Variants in THSD7A observed in about 807,000 individuals in gnomAD.
THSD7A encodes thrombospondin type-1 domain-containing protein 7A.
Under a neutral mutation model 231.3 loss-of-function variants are expected in THSD7A, and 96 were observed. That is an observed-to-expected ratio of 0.41 (90% CI 0.35 to 0.49). The LOEUF is 0.49. THSD7A is among the 20% of genes least tolerant of loss of function. THSD7A has a pLI of 0.05. For synonymous variants in THSD7A, 940 were observed against 743.3 expected (o/e 1.26, Z -4.30); for missense variants, 2,290 against 2,070.2 (o/e 1.11, Z -2.06).
At chr7:11,408,046 G>C (rs930639817) in intron 19 of THSD7A, among the ~76,000 whole-genome samples, 1 of 152,104 alleles carries the variant, frequency 6.6e-6, no homozygotes, top group Non-Finnish European at 1.5e-5. Context: ...GTATAATTCA[G>C]TTATGTTGGT....
chr7:11,499,781 A>C (rs896527977), intron 6 of THSD7A, among the ~76,000 whole-genome samples: 3 of 152,238 alleles, frequency 2.0e-5, no homozygotes, highest in African/African-American at 7.2e-5. Flanking sequence ...CAACTATTAA[A>C]AAGGGATAAT....
At chr7:11,496,760 A>C (rs1453031390) in intron 6 of THSD7A, among the ~76,000 whole-genome samples, 1 of 152,202 alleles carries the variant, frequency 6.6e-6, no homozygotes, top group Non-Finnish European at 1.5e-5. Context: ...GGCAAATTTC[A>C]CTCAAACATG....
At chr7:11,580,206 C>T (rs1791096198) in intron 4 of THSD7A, among the ~76,000 whole-genome samples, 2 of 152,178 alleles carry the variant, frequency 1.3e-5, no homozygotes. Context: ...TACAGAATTA[C>T]AGCCCCAGTG....
At chr7:11,423,227 T>C (rs1043348578) in intron 16 of THSD7A, among the ~76,000 whole-genome samples, 1 of 152,186 alleles carries the variant, frequency 6.6e-6, no homozygotes, top group South Asian at 2.1e-4. Context: ...TAGGTCCATA[T>C]GCAAAGGTTT....
chr7:11,498,740 C>A (rs1787212634), intron 6 of THSD7A, among the ~76,000 whole-genome samples: 1 of 152,126 alleles, frequency 6.6e-6, no homozygotes, highest in Admixed American at 6.5e-5. Context: ...GCAAAAATGT[C>A]CCTACTTCCC....
intron 2 of THSD7A, among the ~76,000 whole-genome samples, chr7:11,613,457 A>C (rs1256362569): frequency 6.6e-6 from 1 of 152,164 alleles, no homozygotes; most frequent in Non-Finnish European, 1.5e-5. Context: ...GTCATGTGAT[A>C]ATAACATATG....
chr7:11,807,951 C>T (rs1341398320), intron 1 of THSD7A, among the ~76,000 whole-genome samples: 1 of 152,088 alleles, frequency 6.6e-6, no homozygotes, highest in Non-Finnish European at 1.5e-5. Context: ...AAACAAAACA[C>T]TGTCAGAGCA....
rs146131850 is a variant in THSD7A at position 11,576,197 on chromosome 7, A to G, written c.1453+14263T>C. Among the ~76,000 whole-genome samples, 192 of 152,262 alleles carry G rather than the reference A, an allele frequency of 1.3e-3. 2 individuals carry two copies. Among genetic ancestry groups the G allele is most frequent in the African/African-American group, 4.3e-3 (180 of 41,544 alleles). On this transcript the variant is annotated intron_variant, in intron 4 of 27. Transcript: ENST00000423059. ...TCTACTAGCATTTTTCCTTTGCCCC[A>G]CACTCCTCATCCATTTATTCTTAAA...
chr7:11,718,059 G>A (rs1173005514), intron 1 of THSD7A, among the ~76,000 whole-genome samples: 3 of 151,612 alleles, frequency 2.0e-5, no homozygotes, highest in South Asian at 4.1e-4. Context: ...CATTATGGAA[G>A]TAATTTGCAT....
intron 6 of THSD7A, among the ~76,000 whole-genome samples, chr7:11,513,123 A>G (rs529571332): frequency 1.2e-4 from 18 of 151,536 alleles, no homozygotes; most frequent in African/African-American, 3.9e-4. Flanking sequence ...ATGCAAAGCC[A>G]TAAGAATGAT....
Position 11,814,711 on chromosome 7 carries a change from G to C in THSD7A, c.190+17046C>G, listed in dbSNP as rs1042960206. Reference sequence around the variant, plus strand: ...ATTAAATATTGCAGTAAGAGACAGGGAGAGAAATGTATCTTAGCAGCAGTC... The same window carrying C: ...ATTAAATATTGCAGTAAGAGACAGGCAGAGAAATGTATCTTAGCAGCAGTC... On this transcript the variant is annotated intron_variant, in intron 1 of 27. Transcript: ENST00000423059. This position sits in a 1 kb window ranked among gnomAD's most constrained non-coding sequence, Gnocchi z 5.1. Among the ~76,000 whole-genome samples the C allele has an allele frequency of 2.6e-5, 4 of 152,122 alleles. No homozygotes were observed. The highest frequency in any genetic ancestry group is 9.7e-5 in the African/African-American group (4 of 41,422).
intron 6 of THSD7A, among the ~76,000 whole-genome samples, chr7:11,493,748 A>T (rs1305555882): frequency 6.6e-6 from 1 of 152,000 alleles, no homozygotes; most frequent in East Asian, 1.9e-4. Context: ...GCAATTATTT[A>T]AGTATTTTAA....
At position 11,719,244 on chromosome 7, in the gene THSD7A, C is replaced by T. The variant is rs142667224; in HGVS notation, c.191-82283G>A. 3.3e-3 allele frequency among the ~76,000 whole-genome samples: 500 copies of T among 151,330 alleles called. 3 individuals carry two copies. The highest frequency in any genetic ancestry group is 0.012 in the African/African-American group (483 of 41,066). ...CCCACCTTAACTAAAACTAGACTGTCTCATATGGTCTCTGTTTCCTCCCAC... is the reference window on the plus strand; with the variant it reads ...CCCACCTTAACTAAAACTAGACTGTTTCATATGGTCTCTGTTTCCTCCCAC... On this transcript the variant is annotated intron_variant, in intron 1 of 27. Transcript: ENST00000423059.
intron 1 of THSD7A, among the ~76,000 whole-genome samples, chr7:11,659,856 G>C (rs1025155833): frequency 6.6e-6 from 1 of 151,416 alleles, no homozygotes; most frequent in Admixed American, 6.6e-5. Flanking sequence ...TAGATGTTCT[G>C]TCTAAGAATC....
At chr7:11,748,940 C>G (rs1782407372) in intron 1 of THSD7A, among the ~76,000 whole-genome samples, 1 of 151,882 alleles carries the variant, frequency 6.6e-6, no homozygotes, top group Non-Finnish European at 1.5e-5. Flanking sequence ...GCAGCGAACA[C>G]CGGGAATGAA....
chr7:11,703,608 T>A (rs1292371008), intron 1 of THSD7A, among the ~76,000 whole-genome samples: 3 of 151,250 alleles, frequency 2.0e-5, no homozygotes, highest in African/African-American at 7.3e-5. Flanking sequence ...CCTGGCACAA[T>A]ATCTTAATGT....
chr7:11,789,833 C>T lies in THSD7A; in HGVS notation c.190+41924G>A, dbSNP rs536219296. Among the ~76,000 whole-genome samples the T allele has an allele frequency of 3.3e-5, 5 of 152,024 alleles. No individual in the cohort carries two copies. In the East Asian group the frequency reaches 9.7e-4, roughly 29 times the overall value. On this transcript the variant is annotated intron_variant, in intron 1 of 27. Transcript: ENST00000423059. ...TGTACTTTCCTTTTGGCACTGGATG[C>T]ATAATAACTCCTTTGGGTGCACTTC...
chr7:11,679,549 C>T (rs907001445), intron 1 of THSD7A, among the ~76,000 whole-genome samples: 3 of 152,014 alleles, frequency 2.0e-5, no homozygotes, highest in African/African-American at 7.2e-5. Context: ...GCCCTATACA[C>T]TAATAATAGA....
At chr7:11,646,796 T>A (rs1278173995) in intron 1 of THSD7A, among the ~76,000 whole-genome samples, 1 of 152,088 alleles carries the variant, frequency 6.6e-6, no homozygotes, top group African/African-American at 2.4e-5. Context: ...GCATGCTATG[T>A]TGTCCTGGAT....
Sources: allele counts gnomAD v4.1 joint callset (sites outside exome capture counted in the v4.1 genomes callset), GRCh38; gene constraint gnomAD v4.1.1; non-coding constraint Gnocchi (gnomAD v3.1); transcripts MANE v1.5; gene names NCBI Gene and HGNC (gene_info 2026-07-23, HGNC 2026-07-21).